The following ATRX variants were observed in gnomAD, a reference collection of about 807,000 sequenced individuals.
The protein encoded by ATRX is ATRX chromatin remodeler, also known as chromatin remodeler ATRX.
In ATRX, 12 loss-of-function variants were observed where a neutral mutation model predicts 172.6. That is an observed-to-expected ratio of 0.07 (90% CI 0.04 to 0.11). The LOEUF is 0.11. ATRX is among the 10% of genes least tolerant of loss of function. The pLI is 1.00. For missense variants in ATRX, 1,368 were observed against 1,767.4 expected (o/e 0.77, Z 4.05); for synonymous variants, 674 against 594.7 (o/e 1.13, Z -1.94).
chrX:77,684,359 T>C lies in ATRX; in HGVS notation c.897A>G (p.Lys299=), dbSNP rs2148635211. The C allele has an allele frequency of 8.3e-7, 1 of 1,210,027 alleles. No homozygotes were observed. Among genetic ancestry groups the C allele is most frequent in the Non-Finnish European group, 1.1e-6 (1 of 893,681 alleles). Residue 299 remains lysine (K), a synonymous_variant, in exon 9 of 35, where the codon AAA becomes AAG. Transcript: ENST00000373344. ...QLLQQNKKKI[K]VDSEKSNKVY... ...CTTTATTACTCTTTTCACTGTCAAC[T>C]TTTATCTTCTTCTTATTTTGCTGCA...
At chrX:77,627,549 C>T (rs1482664797) in intron 19 of ATRX, among the ~76,000 whole-genome samples, 3 of 110,417 alleles carry the variant, frequency 2.7e-5, no homozygotes, top group African/African-American at 6.6e-5. Context: ...AGCAACATAA[C>T]GAGACCCTCG....
At chrX:77,606,359 A>T (rs1268426282) in intron 22 of ATRX, among the ~76,000 whole-genome samples, 1 of 111,460 alleles carries the variant, frequency 9.0e-6, no homozygotes, top group Admixed American at 9.6e-5. Flanking sequence ...TTTACCAAAC[A>T]TTCCAAGAAG....
chrX:77,605,140 T>G (rs1280347129), intron 22 of ATRX, among the ~76,000 whole-genome samples: 1 of 112,438 alleles, frequency 8.9e-6, no homozygotes, highest in Non-Finnish European at 1.9e-5. Flanking sequence ...CATAAATTTA[T>G]ACGAATAAAA....
intron 30 of ATRX, among the ~76,000 whole-genome samples, chrX:77,551,151 T>C (rs1557055950): frequency 8.9e-6 from 1 of 111,855 alleles, no homozygotes; most frequent in African/African-American, 3.2e-5. Flanking sequence ...AGACCCCGCA[T>C]TGCCAAGTCA....
At chrX:77,733,643 C>T (rs2074396128) in intron 1 of ATRX, among the ~76,000 whole-genome samples, 1 of 96,176 alleles carries the variant, frequency 1.0e-5, no homozygotes, top group Non-Finnish European at 2.0e-5. Context: ...CTAAAGCAGA[C>T]GGATCACTTG....
At chrX:77,748,740 C>A (rs1232261855) in intron 1 of ATRX, among the ~76,000 whole-genome samples, 1 of 109,278 alleles carries the variant, frequency 9.2e-6, no homozygotes, top group Non-Finnish European at 1.9e-5. Flanking sequence ...GCGTGTGCCA[C>A]CATGACTGGC....
intron 28 of ATRX, among the ~76,000 whole-genome samples, chrX:77,566,665 A>ATGGCTTAAGCC (rs1215960891): frequency 9.0e-6 from 1 of 111,511 alleles, no homozygotes; most frequent in African/African-American, 3.3e-5. Flanking sequence ...AGGTGGGAGG[A>ATGGCTTAAGCC]TGGCTTAAGC....
chrX:77,541,110 AC>A (rs1412552353), intron 30 of ATRX, among the ~76,000 whole-genome samples: 8 of 111,871 alleles, frequency 7.2e-5, no homozygotes, highest in Non-Finnish European at 1.5e-4. Flanking sequence ...AATCAAATAG[AC>A]GCAATAAAAA....
chrX:77,722,827 C>A (rs1220140971), intron 1 of ATRX, among the ~76,000 whole-genome samples: 1 of 111,586 alleles, frequency 9.0e-6, no homozygotes, highest in African/African-American at 3.3e-5. Flanking sequence ...TTGACCCAGC[C>A]ATCCCATTAC....
chrX:77,780,914 T>C (rs1424550145), intron 1 of ATRX, among the ~76,000 whole-genome samples: 1 of 110,454 alleles, frequency 9.1e-6, no homozygotes, highest in African/African-American at 3.3e-5. Flanking sequence ...GCACTACAGC[T>C]TGGGTGACAG....
At chrX:77,765,837 G>A (rs1214667552) in intron 1 of ATRX, among the ~76,000 whole-genome samples, 7 of 108,869 alleles carry the variant, frequency 6.4e-5, no homozygotes, top group African/African-American at 2.3e-4. Flanking sequence ...AGGACCCTGC[G>A]GCCTTCCACA....
intron 30 of ATRX, among the ~76,000 whole-genome samples, chrX:77,556,672 G>A (rs1406512626): frequency 3.6e-5 from 4 of 111,790 alleles, no homozygotes; most frequent in African/African-American, 1.3e-4. Context: ...ATTACTGACT[G>A]TGAAAGCATT....
intron 2 of ATRX, among the ~76,000 whole-genome samples, chrX:77,710,231 G>C (rs888869861): frequency 1.2e-4 from 13 of 108,724 alleles, no homozygotes; most frequent in African/African-American, 4.4e-4. Flanking sequence ...CCTGGGAGGC[G>C]GAGGTTGCAG....
intron 27 of ATRX, 93 bp downstream of exon 27, chrX:77,589,723 TGATAGAGTTGTGAGACTG>T: frequency 1.6e-6 from 1 of 635,763 alleles, no homozygotes; most frequent in Non-Finnish European, 2.4e-6. Flanking sequence ...AATTTTGATA[TGATAGAGTTGTGAGACTG>T]GGTAGTTTTG....
At chrX:77,777,191 TAAAAAAA>T (rs782165810) in intron 1 of ATRX, among the ~76,000 whole-genome samples, 2 of 21,042 alleles carry the variant, frequency 9.5e-5, no homozygotes, top group Non-Finnish European at 1.6e-4. Context: ...CTGTCTCTAC[TAAAAAAA>T]AAAAAAAAAA....
At chrX:77,614,466 T>C (rs1461015030) in intron 22 of ATRX, among the ~76,000 whole-genome samples, 9 of 112,264 alleles carry the variant, frequency 8.0e-5, no homozygotes, top group Admixed American at 2.8e-4. Context: ...ATTTTAGCTA[T>C]GGCAATTAGT....
In ATRX at chrX:77,677,442, G is replaced by A. The variant is rs140619705; in HGVS notation, c.3737-1144C>T. On this transcript the variant is annotated intron_variant, in intron 9 of 34. Transcript: ENST00000373344. ...GACAGCAGTATCACAAGGGAGCCTT[G>A]TGATAATGGAACTGGTTTGATATAT... Among the ~76,000 whole-genome samples the A allele has an allele frequency of 2.3e-3, 262 of 111,817 alleles. 2 individuals are homozygous for A. Among genetic ancestry groups the A allele is most frequent in the Middle Eastern group, 0.014 (3 of 213 alleles).
intron 10 of ATRX, chrX:77,675,522 A>G (rs2070821083): frequency 9.0e-6 from 1 of 111,408 alleles, no homozygotes; most frequent in African/African-American, 3.3e-5. Context: ...TTATAGCTAT[A>G]GTCTTTAATA....
At chrX:77,674,026 C>A (rs1035953346) in intron 10 of ATRX, 1 of 110,936 alleles carries the variant, frequency 9.0e-6, no homozygotes, top group African/African-American at 3.3e-5. Flanking sequence ...TTCATAAACA[C>A]CAACACTGAA....
Sources: gnomAD v4.1 joint callset for allele counts (sites outside exome capture counted in the v4.1 genomes callset) on GRCh38, gnomAD v4.1.1 for gene constraint, MANE v1.5 for transcripts, NCBI Gene and HGNC (gene_info 2026-07-23, HGNC 2026-07-21) for gene names.